The following HLA-C variants were observed in gnomAD, a reference collection of about 807,000 sequenced individuals.
HLA-C encodes the protein major histocompatibility complex, class I, C, also known as HLA class I histocompatibility antigen, C alpha chain.
HLA-C carries 15 observed loss-of-function variants against 36.9 expected under a neutral mutation model. The observed-to-expected ratio is 0.41, with a 90% CI of 0.27 to 0.63. The LOEUF is 0.63. Among genes scored for constraint, HLA-C ranks in the 20% least tolerant of loss-of-function variants. The probability of loss-of-function intolerance (pLI) is 0.35; values close to 1 mark genes in which losing one functional copy is unlikely to be tolerated. For missense variants in HLA-C, 272 were observed against 400.4 expected, an observed-to-expected ratio of 0.68 and a Z score of 2.74; for synonymous variants, 104 against 174.3, an observed-to-expected ratio of 0.60 and a Z score of 3.18.
chr6:31,271,331 T>A (rs1131118), exon 3 of HLA-C: 141,152 of 856,504 alleles, frequency 0.16, 44,155 homozygotes, highest in East Asian at 0.35. Context: ...CCAGACATCC[T>A]CTGGAGGGTG....
At position 31,270,304 on chromosome 6, in the gene HLA-C, C is replaced by G. The variant is rs769913093; in HGVS notation, c.801G>C (p.Lys267Asn). The change falls in exon 4 of 8, where the codon AAG (lysine) becomes AAC (asparagine). Residue 267 changes from lysine (K) to asparagine (N), a missense_variant. By Grantham distance (94) the Lys-to-Asn change is moderately conservative. Coordinates refer to ENST00000376228, the Ensembl canonical transcript of HLA-C. ...CAGAAGGCACCACCACAGCTGCCCA[C>G]TTCTGGAAGGTTCCATCTCCTGCTG... is the stretch of plus-strand genomic sequence containing the variant. 4.4e-6 allele frequency: 4 copies of G among 909,348 alleles called. 1 individual carries two copies. The highest frequency in any genetic ancestry group is 5.7e-6 in the Non-Finnish European group (4 of 699,942). 56.3% of individuals were successfully genotyped at this position (909,348 alleles called of 1,614,324 possible).
chr6:31,270,745 C>T (rs9264644), intron 3 of HLA-C: 10,086 of 333,930 alleles, frequency 0.03, 1,520 homozygotes, highest in South Asian at 0.089. Context: ...ATCAAACCTT[C>T]AGACACATTG....
intron 3 of HLA-C, chr6:31,270,747 G>A (rs9264645): frequency 0.11 from 33,259 of 294,384 alleles, 11,855 homozygotes; most frequent in South Asian, 0.27. Flanking sequence ...CAAACCTTCA[G>A]ACACATTGAG....
chr6:31,268,906 CCAT>C (rs879642168), exon 8 of HLA-C: 12,919 of 220,422 alleles, frequency 0.059, 1,341 homozygotes, highest in Middle Eastern at 0.087. Context: ...GCTCAGTGCA[CCAT>C]GAATTTGAGA....
chr6:31,270,967 G>C lies in HLA-C; in HGVS notation c.619+106C>G. The C allele has an allele frequency of 3.1e-6, 2 of 651,534 alleles. 1 individual carries two copies. The highest frequency in any genetic ancestry group is 4.0e-6 in the Non-Finnish European group (2 of 499,290). 40.4% of individuals were successfully genotyped at this position (651,534 alleles called of 1,614,324 possible). A position where few individuals can be genotyped will look rare whatever the true frequency, so the allele number is the denominator to read the frequency against. On this transcript the variant is annotated intron_variant, in intron 3 of 7. Transcript: ENST00000376228. ...AAAACTCATGCCATTCTCCATTCAAGGGAGGGCGATATTCCAGTGCTGATC... is the reference window on the plus strand; with the variant it reads ...AAAACTCATGCCATTCTCCATTCAACGGAGGGCGATATTCCAGTGCTGATC...
At chr6:31,271,205 C>T in exon 3 of HLA-C, 2 of 1,061,286 alleles carry the variant, frequency 1.9e-6, no homozygotes, top group East Asian at 4.2e-5. Flanking sequence ...ATCTGAGCCG[C>T]GGTGTCCGCG....
chr6:31,269,018 G>C lies in HLA-C; in HGVS notation c.*151C>G, dbSNP rs1004076630. The C allele has an allele frequency of 1.4e-5, 10 of 702,374 alleles. No homozygotes were observed. The African/African-American group carries it at 1.6e-4, about 11-fold the overall frequency. The allele number at this position is 702,374 out of a possible 1,614,324, so 43.5% of individuals were successfully genotyped here. ...GGGACAGGGGTCACGGTGGACACGG[G>C]GGTGGGCTGTCTCTCCACCTCCTCA... On this transcript the variant is annotated 3_prime_UTR_variant, in exon 8 of 8. Coordinates refer to ENST00000376228, the Ensembl canonical transcript of HLA-C.
At chr6:31,271,009 C>T in intron 3 of HLA-C, 64 bp downstream of exon 3, 1 of 848,120 alleles carries the variant, frequency 1.2e-6, no homozygotes, top group Non-Finnish European at 1.5e-6. Flanking sequence ...TCCTCCCCTC[C>T]TCGTGGGAGG....
rs9264648 is a variant in HLA-C, at chr6:31,270,884, G to A, written c.619+189C>T. On this transcript the variant is annotated intron_variant, in intron 3 of 7. Coordinates refer to ENST00000376228, the Ensembl canonical transcript of HLA-C. ...GACTGTCTTCCCCTCCATTTCCTCA[G>A]AGACTTCATCCCTTAATTGTCCTAG... is the stretch of plus-strand genomic sequence containing the variant. Among the ~76,000 whole-genome samples the A allele has an allele frequency of 5.7e-3, 290 of 51,312 alleles. 11 individuals carry two copies. Among genetic ancestry groups the A allele is most frequent in the Middle Eastern group, 0.013 (1 of 80 alleles). The allele number at this position is 51,312 out of a possible 152,430, so 33.7% of individuals were successfully genotyped here. A position where few individuals can be genotyped will look rare whatever the true frequency, so the allele number is the denominator to read the frequency against.
In HLA-C at chr6:31,271,538, C is replaced by T. The variant is rs375833859; in HGVS notation, c.343+61G>A. 4 of 946,782 alleles carry T rather than the reference C, an allele frequency of 4.2e-6. 1 individual carries two copies. Among genetic ancestry groups the T allele is most frequent in the Non-Finnish European group, 5.6e-6 (4 of 711,366 alleles). The allele number at this position is 946,782 out of a possible 1,614,324, so 58.6% of individuals were successfully genotyped here. A position where few individuals can be genotyped will look rare whatever the true frequency, so the allele number is the denominator to read the frequency against. ...TCAGACGGGGAGACTCTGGGCGACC[C>T]GGGCCGTCCGTGGGGGATGGGGAGG... is the stretch of plus-strand genomic sequence containing the variant. On this transcript the variant is annotated intron_variant, in intron 2 of 7. Transcript: ENST00000376228.
At chr6:31,271,903 C>T in intron 1 of HLA-C, 35 bp from the exon 2 acceptor site, 1 of 1,211,278 alleles carries the variant, frequency 8.3e-7, no homozygotes. Flanking sequence ...CCGCCCGACC[C>T]ACCTCCCTGC....
chr6:31,268,981 C>T, exon 8 of HLA-C: 1 of 635,740 alleles, frequency 1.6e-6, no homozygotes, highest in African/African-American at 1.8e-5. Context: ...GGAGGGAACA[C>T]AGGTCAGTGT....
chr6:31,271,111 C>G, exon 3 of HLA-C: 1 of 1,143,936 alleles, frequency 8.7e-7, no homozygotes, highest in Non-Finnish European at 1.1e-6. Context: ...CTCCAGGTAT[C>G]TGCGGAGCCA....
At position 31,271,165 on chromosome 6, in the gene HLA-C, G is replaced by A. The variant is rs2308590; in HGVS notation, c.527C>T (p.Ala176Val). ...CAGGTAGGCTCTCAGCTGCTCCGCCGCACGGGCCGCCTCCAACTTGCGCTG... is the reference window on the plus strand; with the variant it reads ...CAGGTAGGCTCTCAGCTGCTCCGCCACACGGGCCGCCTCCAACTTGCGCTG... Residue 176 changes from alanine to valine, a missense_variant, in exon 3 of 8, where the codon GCG (alanine) becomes GTG (valine). Coordinates refer to ENST00000376228, the Ensembl canonical transcript of HLA-C. 3,671 of 931,646 alleles carry A rather than the reference G, an allele frequency of 3.9e-3. 40 individuals carry two copies. Among genetic ancestry groups the A allele is most frequent in the East Asian group, 0.028 (491 of 17,542 alleles). 57.7% of individuals were successfully genotyped at this position (931,646 alleles called of 1,614,324 possible).
intron 7 of HLA-C, 21 bp from the exon 8 acceptor site, chr6:31,269,194 GA>G: frequency 6.9e-7 from 1 of 1,445,414 alleles, no homozygotes; most frequent in Non-Finnish European, 9.2e-7. Context: ...CAATAGTCAT[GA>G]ACAAATTCAG....
At chr6:31,271,328 T>A (rs281860446) in exon 3 of HLA-C, 1 of 1,012,122 alleles carries the variant, frequency 9.9e-7, no homozygotes, top group South Asian at 1.5e-5. Context: ...CAGCCAGACA[T>A]CCTCTGGAGG....
Position 31,271,677 on chromosome 6 carries a change from G to C in HLA-C, c.265C>G (p.Gln89Glu), listed in dbSNP as rs281860398. The change falls in exon 2 of 8, where the codon CAG becomes GAG. Residue 89 changes from glutamine to glutamate, a missense_variant. This residue lies in a region of HLA-C where 12 missense variants were observed against 33.2 expected (regional missense o/e 0.36). Transcript: ENST00000376228. ...GCCTGTGCCTGGCGCTTGTACTTCT[G>C]TGTCTCCCGGTCCCAATACTCCGGC... 7,092 of 1,421,642 alleles carry C rather than the reference G, an allele frequency of 5.0e-3. 6 individuals are homozygous for C. The highest frequency in any genetic ancestry group is 0.043 in the East Asian group (1,512 of 35,162). 88.1% of individuals were successfully genotyped at this position (1,421,642 alleles called of 1,614,324 possible).
At position 31,271,876 on chromosome 6, in the gene HLA-C, C is replaced by G. The variant is rs41560121; in HGVS notation, c.74-8G>C. 118 of 1,255,704 alleles carry G rather than the reference C, an allele frequency of 9.4e-5. 27 individuals carry two copies. The Admixed American group carries it at 2.8e-3, about 30-fold the overall frequency. 77.8% of individuals were successfully genotyped at this position (1,255,704 alleles called of 1,614,324 possible). The stretch of plus-strand genomic sequence containing the variant: ...ACCTCATGGAGTGGGAGCCTGGGGG[C>G]GAGGAGGGGCTGAGACCCGCCCGAC... On this transcript the variant is annotated splice_polypyrimidine_tract_variant and splice_region_variant and intron_variant, in intron 1 of 7. Coordinates refer to ENST00000376228, the Ensembl canonical transcript of HLA-C.
rs281860509 is a variant in HLA-C, at chr6:31,271,177, T to A, written c.515A>T (p.Glu172Val). ...CAGCTGCTCCGCCGCACGGGCCGCC[T>A]CCAACTTGCGCTGGGTGATCTGAGC... Residue 172 changes from glutamate to valine, a missense_variant, in exon 3 of 8, where the codon GAG becomes GTG. Physicochemically the swap from Glu to Val is moderately radical, Grantham distance 121. This residue lies in a region of HLA-C where 49 missense variants were observed against 93.9 expected (regional missense o/e 0.52). Transcript: ENST00000376228. 2.0e-6 allele frequency: 2 copies of A among 1,018,090 alleles called. 1 individual carries two copies. Among genetic ancestry groups the A allele is most frequent in the Non-Finnish European group, 2.6e-6 (2 of 777,808 alleles). 63.1% of individuals were successfully genotyped at this position (1,018,090 alleles called of 1,614,324 possible).
Sources: allele counts gnomAD v4.1 joint callset (sites outside exome capture counted in the v4.1 genomes callset), GRCh38; gene constraint gnomAD v4.1.1; regional missense constraint gnomAD v4.1.1; transcripts MANE v1.5; gene names NCBI Gene and HGNC (gene_info 2026-07-23, HGNC 2026-07-21).